The following CCSER1 variants were observed in gnomAD, a reference collection of about 807,000 sequenced individuals.
The protein encoded by CCSER1 is serine-rich coiled-coil domain-containing protein 1.
In CCSER1, 41 loss-of-function variants were observed where a neutral mutation model predicts 82.0. That is an observed-to-expected ratio of 0.50 (90% CI 0.39 to 0.65). The LOEUF is 0.65. Ranked by LOEUF, CCSER1 falls within the 30% of genes least tolerant of loss-of-function variation. CCSER1 has a pLI of 0.00. For missense variants in CCSER1, 1,119 were observed against 1,064.2 expected, an observed-to-expected ratio of 1.05 and a Z score of -0.72; for synonymous variants, 414 against 383.9, an observed-to-expected ratio of 1.08 and a Z score of -0.92.
intron 5 of CCSER1, among the ~76,000 whole-genome samples, chr4:90,522,354 C>A (rs1307127753): frequency 6.6e-6 from 1 of 152,118 alleles, no homozygotes; most frequent in Non-Finnish European, 1.5e-5. Flanking sequence ...TGTTATGTGT[C>A]ACAGCTTTAG....
At chr4:91,212,566 G>A (rs1202811631) in intron 10 of CCSER1, among the ~76,000 whole-genome samples, 1 of 152,010 alleles carries the variant, frequency 6.6e-6, no homozygotes, top group Non-Finnish European at 1.5e-5. Flanking sequence ...TGGAGCAAGA[G>A]GGAAAAATGT....
At chr4:91,486,717 T>TGAG (rs1758240988) in intron 10 of CCSER1, among the ~76,000 whole-genome samples, 1 of 152,108 alleles carries the variant, frequency 6.6e-6, no homozygotes, top group Non-Finnish European at 1.5e-5. Context: ...TGAGAGGTCG[T>TGAG]GGATAGATTT....
intron 9 of CCSER1, among the ~76,000 whole-genome samples, chr4:90,943,498 G>T (rs1731836230): frequency 6.6e-6 from 1 of 152,016 alleles, no homozygotes. Context: ...TATGCAACAT[G>T]AGTAAAACTT....
intron 6 of CCSER1, among the ~76,000 whole-genome samples, chr4:90,684,190 T>G (rs1579907990): frequency 6.6e-6 from 1 of 152,176 alleles, no homozygotes; most frequent in African/African-American, 2.4e-5. Context: ...TTTCACTTTA[T>G]TTTGGGATAT....
intron 5 of CCSER1, among the ~76,000 whole-genome samples, chr4:90,502,538 G>C (rs1030238389): frequency 1.3e-5 from 2 of 152,066 alleles, no homozygotes; most frequent in African/African-American, 4.8e-5. Flanking sequence ...GTACATAAGA[G>C]GATCTAAGCA....
chr4:91,301,380 TCTA>T (rs1168281401), intron 10 of CCSER1, among the ~76,000 whole-genome samples: 1 of 151,782 alleles, frequency 6.6e-6, no homozygotes, highest in Non-Finnish European at 1.5e-5. Flanking sequence ...ACATGGATTA[TCTA>T]CTATAACATG....
chr4:90,167,662 C>A (rs1175476482), intron 1 of CCSER1, among the ~76,000 whole-genome samples: 3 of 144,028 alleles, frequency 2.1e-5, no homozygotes, highest in African/African-American at 7.6e-5. Flanking sequence ...GTGTGATGTT[C>A]CCCTTCCTGT....
rs555546919 is a variant in CCSER1, at chr4:91,340,286, A to G, written c.2217+254292A>G. On this transcript the variant is annotated intron_variant, in intron 10 of 10. Transcript: ENST00000509176. ...CTACATTGTGAGTAACTGAAACAGT[A>G]GAAAGTGAAACTACAGATAAGGAAG... Among the ~76,000 whole-genome samples the G allele has an allele frequency of 1.6e-4, 25 of 152,352 alleles. 1 individual carries two copies. In the South Asian group the frequency reaches 4.6e-3, roughly 28 times the overall value.
intron 7 of CCSER1, among the ~76,000 whole-genome samples, chr4:90,733,665 T>G (rs372903276): frequency 2.2e-4 from 34 of 152,292 alleles, no homozygotes; most frequent in African/African-American, 7.7e-4. Context: ...ACGTCTTATA[T>G]TTAAGTCTCT....
intron 10 of CCSER1, among the ~76,000 whole-genome samples, chr4:91,572,951 G>A (rs1763260619): frequency 6.6e-6 from 1 of 152,076 alleles, no homozygotes; most frequent in Non-Finnish European, 1.5e-5. Flanking sequence ...CAGCAAAGAT[G>A]GTGGCCTGCC....
chr4:90,377,904 T>C (rs953821459), intron 3 of CCSER1, among the ~76,000 whole-genome samples: 1 of 152,272 alleles, frequency 6.6e-6, no homozygotes, highest in Admixed American at 6.5e-5. Flanking sequence ...ATTATGAAGA[T>C]GGGGCAAATT....
intron 1 of CCSER1, among the ~76,000 whole-genome samples, chr4:90,267,123 T>C (rs1265899431): frequency 1.3e-5 from 2 of 151,868 alleles, no homozygotes; most frequent in Non-Finnish European, 2.9e-5. Flanking sequence ...TTAGAAAGGG[T>C]AGTCTTAGGC....
intron 9 of CCSER1, among the ~76,000 whole-genome samples, chr4:90,997,441 A>G (rs952491116): frequency 2.0e-5 from 3 of 152,120 alleles, no homozygotes; most frequent in African/African-American, 7.2e-5. Context: ...TTCCTATCCT[A>G]GGGTTCTTAA....
At chr4:91,147,339 C>A (rs1293356284) in intron 10 of CCSER1, among the ~76,000 whole-genome samples, 1 of 152,196 alleles carries the variant, frequency 6.6e-6, no homozygotes, top group Non-Finnish European at 1.5e-5. Context: ...AGGAGCCGGC[C>A]CAGCCAGCTA....
intron 8 of CCSER1, among the ~76,000 whole-genome samples, chr4:90,845,158 C>A (rs952263451): frequency 1.3e-5 from 2 of 151,888 alleles, no homozygotes; most frequent in Non-Finnish European, 1.5e-5. Context: ...GTCAGGAGAT[C>A]GAGACCATCG....
At chr4:90,591,908 A>G (rs1782750773) in intron 5 of CCSER1, among the ~76,000 whole-genome samples, 1 of 152,152 alleles carries the variant, frequency 6.6e-6, no homozygotes, top group Non-Finnish European at 1.5e-5. Flanking sequence ...GCTGGACACC[A>G]TCATCCTCAG....
chr4:90,364,559 G>T (rs181752013), intron 3 of CCSER1, among the ~76,000 whole-genome samples: 1 of 151,996 alleles, frequency 6.6e-6, no homozygotes, highest in African/African-American at 2.4e-5. Context: ...CTTAAACATT[G>T]TATAGAGTTT....
At position 90,482,365 on chromosome 4, in the gene CCSER1, A is replaced by G. The variant is rs535428450; in HGVS notation, c.1724+14011A>G. Reference sequence around the variant, plus strand: ...TTTTTGAAGGGCTTTTTGTGTCTCTATTTCCTTCAGTTCTGCTCTGATCTT... The same window carrying G: ...TTTTTGAAGGGCTTTTTGTGTCTCTGTTTCCTTCAGTTCTGCTCTGATCTT... On this transcript the variant is annotated intron_variant, in intron 5 of 10. Coordinates refer to ENST00000509176, the MANE Select transcript of CCSER1 (RefSeq NM_001145065.2). Among the ~76,000 whole-genome samples, 1,490 of 151,908 alleles carry G rather than the reference A, an allele frequency of 9.8e-3. 24 individuals are homozygous for G. The highest frequency in any genetic ancestry group is 0.034 in the African/African-American group (1,413 of 41,388).
intron 5 of CCSER1, among the ~76,000 whole-genome samples, chr4:90,518,306 C>T (rs1278352787): frequency 1.3e-5 from 2 of 152,028 alleles, no homozygotes; most frequent in Admixed American, 6.6e-5. Context: ...TTCCTAAGAA[C>T]TGAGTGTGTA....
Sources: allele counts gnomAD v4.1 joint callset (sites outside exome capture counted in the v4.1 genomes callset), GRCh38; gene constraint gnomAD v4.1.1; transcripts MANE v1.5; gene names NCBI Gene and HGNC (gene_info 2026-07-23, HGNC 2026-07-21).